The following C10orf90 variants were observed in gnomAD, a reference collection of about 807,000 sequenced individuals.
C10orf90 encodes (E2-independent) E3 ubiquitin-conjugating enzyme FATS.
Under a neutral mutation model 62.5 loss-of-function variants are expected in C10orf90, and 56 were observed. The ratio of observed to expected loss-of-function variants is 0.90; its 90% CI spans 0.72 to 1.12. The LOEUF is 1.12. Ranked by LOEUF, C10orf90 falls within the 50% of genes most tolerant of loss-of-function variation. C10orf90 has a pLI of 0.00. For synonymous variants in C10orf90, 386 were observed against 340.4 expected, an observed-to-expected ratio of 1.13 and a Z score of -1.47; for missense variants, 970 against 880.4, an observed-to-expected ratio of 1.10 and a Z score of -1.29.
At chr10:126,628,851 A>T (rs1845798609) in intron 2 of C10orf90, among the ~76,000 whole-genome samples, 1 of 152,160 alleles carries the variant, frequency 6.6e-6, no homozygotes, top group African/African-American at 2.4e-5. Flanking sequence ...GCAACTGGTG[A>T]TCCCAGCCAC....
intron 4 of C10orf90, among the ~76,000 whole-genome samples, chr10:126,477,103 TTTTTTTTTTTTTTTTGG>T (rs1860926243): frequency 9.7e-6 from 1 of 103,174 alleles, no homozygotes; most frequent in African/African-American, 3.8e-5. Flanking sequence ...TTTTTTTTTT[TTTTTTTTTTTTTTTTGG>T]ATTTTTGGAG....
chr10:126,486,938 T>C (rs771406276), intron 4 of C10orf90, among the ~76,000 whole-genome samples: 10 of 150,282 alleles, frequency 6.7e-5, no homozygotes, highest in Middle Eastern at 3.2e-3. Context: ...AGGTCAAGAG[T>C]TCTGGACCAG....
intron 2 of C10orf90, among the ~76,000 whole-genome samples, chr10:126,565,285 T>C (rs1342057389): frequency 1.5e-5 from 1 of 64,786 alleles, no homozygotes; most frequent in Admixed American, 2.7e-4. Context: ...TTATATTATA[T>C]ATTATATATT....
chr10:126,460,790 C>A, intron 6 of C10orf90, among the ~76,000 whole-genome samples: 1 of 152,194 alleles, frequency 6.6e-6, no homozygotes, highest in African/African-American at 2.4e-5. Context: ...GATTTGCAAC[C>A]TTATTAAGTG....
chr10:126,634,325 A>G (rs952840134), intron 2 of C10orf90, among the ~76,000 whole-genome samples: 3 of 152,204 alleles, frequency 2.0e-5, no homozygotes, highest in African/African-American at 7.2e-5. Flanking sequence ...TACAACATGA[A>G]TGAACCTTGA....
intron 2 of C10orf90, among the ~76,000 whole-genome samples, chr10:126,600,530 CAG>C (rs942260950): frequency 6.6e-6 from 1 of 152,194 alleles, no homozygotes; most frequent in African/African-American, 2.4e-5. Context: ...CAACTGCCTG[CAG>C]AGAGTCAGGA....
chr10:126,496,059 T>C (rs1425086482), intron 4 of C10orf90, among the ~76,000 whole-genome samples: 1 of 152,322 alleles, frequency 6.6e-6, no homozygotes, highest in Non-Finnish European at 1.5e-5. Flanking sequence ...TGTTACCCAC[T>C]GTTACTCATG....
chr10:126,629,836 G>A (rs1020175144), intron 2 of C10orf90, among the ~76,000 whole-genome samples: 1 of 152,198 alleles, frequency 6.6e-6, no homozygotes, highest in South Asian at 2.1e-4. Context: ...GGACAGGCCA[G>A]GCAGAGCAGG....
intron 4 of C10orf90, among the ~76,000 whole-genome samples, chr10:126,465,648 G>A (rs376435016): frequency 2.0e-5 from 3 of 152,126 alleles, no homozygotes; most frequent in Non-Finnish European, 4.4e-5. Context: ...TCGGGTCAAC[G>A]TGCATAGCTC....
At chr10:126,565,569 T>C (rs1844366792) in intron 2 of C10orf90, among the ~76,000 whole-genome samples, 1 of 150,232 alleles carries the variant, frequency 6.7e-6, no homozygotes, top group Non-Finnish European at 1.5e-5. Context: ...TCTGGAAAAC[T>C]GGCACGTTTC....
intron 7 of C10orf90, among the ~76,000 whole-genome samples, chr10:126,441,439 C>T (rs534654000): frequency 1.2e-3 from 181 of 152,216 alleles, no homozygotes; most frequent in African/African-American, 4.2e-3. Flanking sequence ...GAAGAGAAAT[C>T]TAAAAGTTTG....
rs535445976 is a variant in C10orf90 at position 126,428,284 on chromosome 10, G to T, written c.2252+1503C>A. On this transcript the variant is annotated intron_variant, in intron 8 of 9. Transcript: ENST00000488181. Reference sequence around the variant, plus strand: ...TGTGGGTGTCTGGGGAGCTGGGACTGGGGTAGGGAAAGTGGGCTGGGAACA... The same window carrying T: ...TGTGGGTGTCTGGGGAGCTGGGACTTGGGTAGGGAAAGTGGGCTGGGAACA... 1.1e-4 allele frequency among the ~76,000 whole-genome samples: 16 copies of T among 152,294 alleles called. No individual in the cohort carries two copies. In the South Asian group the frequency reaches 3.3e-3, roughly 32 times the overall value.
chr10:126,581,412 G>A (rs931970471), intron 2 of C10orf90, among the ~76,000 whole-genome samples: 2 of 152,164 alleles, frequency 1.3e-5, no homozygotes, highest in Admixed American at 1.3e-4. Flanking sequence ...ACGGCCCAGT[G>A]ACGTGGACTG....
At chr10:126,550,511 T>C (rs1864609151) in intron 2 of C10orf90, among the ~76,000 whole-genome samples, 1 of 152,080 alleles carries the variant, frequency 6.6e-6, no homozygotes, top group African/African-American at 2.4e-5. Context: ...TATTTCTGTA[T>C]TCTTTCTAAT....
intron 4 of C10orf90, among the ~76,000 whole-genome samples, chr10:126,499,827 T>G (rs1862274763): frequency 6.6e-6 from 1 of 152,212 alleles, no homozygotes; most frequent in African/African-American, 2.4e-5. Context: ...TTCACTAGTC[T>G]CCTCTTCAAT....
intron 2 of C10orf90, among the ~76,000 whole-genome samples, chr10:126,585,252 A>C (rs1368678536): frequency 2.0e-5 from 3 of 150,564 alleles, no homozygotes; most frequent in African/African-American, 7.4e-5. Context: ...AGGAAGAAAG[A>C]GAGAGAGGAA....
intron 1 of C10orf90, among the ~76,000 whole-genome samples, chr10:126,666,214 G>A (rs1846624163): frequency 6.6e-6 from 1 of 152,290 alleles, no homozygotes; most frequent in African/African-American, 2.4e-5. Flanking sequence ...TTAGCCACCA[G>A]TAGCATTTTC....
chr10:126,594,715 C>T (rs1394265366), intron 2 of C10orf90, among the ~76,000 whole-genome samples: 1 of 152,144 alleles, frequency 6.6e-6, no homozygotes, highest in Non-Finnish European at 1.5e-5. Context: ...GACGGAACTA[C>T]AGCGGATTCA....
intron 2 of C10orf90, among the ~76,000 whole-genome samples, chr10:126,619,349 C>T (rs567655553): frequency 3.3e-5 from 5 of 152,314 alleles, no homozygotes; most frequent in African/African-American, 1.2e-4. Flanking sequence ...ATCAGTTCAG[C>T]TTCAGCACTG....
Sources: allele counts gnomAD v4.1 joint callset (sites outside exome capture counted in the v4.1 genomes callset), GRCh38; gene constraint gnomAD v4.1.1; transcripts MANE v1.5; gene names NCBI Gene and HGNC (gene_info 2026-07-23, HGNC 2026-07-21).